Variants in KYAT1 observed in about 807,000 individuals in gnomAD.
KYAT1 encodes kynurenine--oxoglutarate transaminase 1.
Under a neutral mutation model 52.4 loss-of-function variants are expected in KYAT1, and 47 were observed. That is an observed-to-expected ratio of 0.90 (90% CI 0.71 to 1.14). The LOEUF (loss-of-function observed/expected upper bound fraction) is 1.14. KYAT1 is among the 50% of genes most tolerant of loss of function. The pLI is 0.00. For missense variants in KYAT1, 480 were observed against 557.9 expected (o/e 0.86, Z 1.41); for synonymous variants, 212 against 209.6 (o/e 1.01, Z -0.10).
At chr9:128,867,132 A>G (rs1319127578) in intron 1 of KYAT1, among the ~76,000 whole-genome samples, 1 of 152,154 alleles carries the variant, frequency 6.6e-6, no homozygotes, top group Non-Finnish European at 1.5e-5. Context: ...GGGCAATTTA[A>G]TAATAACACA....
chr9:128,862,869 G>T (rs1835650251), intron 1 of KYAT1, among the ~76,000 whole-genome samples: 2 of 152,100 alleles, frequency 1.3e-5, no homozygotes. Flanking sequence ...TTATCACCCA[G>T]GATGGAGTGC....
intron 7 of KYAT1, 37 bp from the exon 8 acceptor site, chr9:128,836,110 G>T: frequency 6.2e-7 from 1 of 1,602,536 alleles, no homozygotes; most frequent in Non-Finnish European, 8.5e-7. Context: ...CTGAGACTGG[G>T]GTGAGGGGGA....
intron 1 of KYAT1, among the ~76,000 whole-genome samples, chr9:128,865,334 TATATATA>T (rs1836132134): frequency 1.2e-3 from 3 of 2,458 alleles, no homozygotes; most frequent in Non-Finnish European, 3.2e-3. Context: ...TATATATATA[TATATATA>T]TATATATATA....
chr9:128,850,258 C>G (rs570761342), intron 1 of KYAT1, among the ~76,000 whole-genome samples: 1 of 151,992 alleles, frequency 6.6e-6, no homozygotes, highest in South Asian at 2.1e-4. Flanking sequence ...AAAGAGAGAT[C>G]AGACTGTTAC....
At chr9:128,866,323 G>GGT (rs1264361470) in intron 1 of KYAT1, among the ~76,000 whole-genome samples, 2 of 152,214 alleles carry the variant, frequency 1.3e-5, no homozygotes, top group East Asian at 3.8e-4. Context: ...ATAGTCGCTG[G>GGT]GTGTGGTGGC....
chr9:128,878,181 C>G (rs1232676808), intron 1 of KYAT1, among the ~76,000 whole-genome samples: 2 of 151,924 alleles, frequency 1.3e-5, no homozygotes, highest in African/African-American at 4.8e-5. Flanking sequence ...ATCGCCCAGG[C>G]TGGAGTGCAG....
At chr9:128,858,603 CT>C in intron 1 of KYAT1, among the ~76,000 whole-genome samples, 1 of 151,320 alleles carries the variant, frequency 6.6e-6, no homozygotes, top group East Asian at 2.0e-4. Context: ...AAGGCTGAGA[CT>C]GGAGAATCAC....
intron 1 of KYAT1, among the ~76,000 whole-genome samples, chr9:128,867,581 T>C (rs570668076): frequency 5.3e-5 from 8 of 152,320 alleles, no homozygotes; most frequent in Middle Eastern, 3.4e-3. Flanking sequence ...GGAGGCAATC[T>C]GATATCCATC....
At chr9:128,871,644 C>A (rs1360129246) in intron 1 of KYAT1, among the ~76,000 whole-genome samples, 5 of 151,182 alleles carry the variant, frequency 3.3e-5, no homozygotes, top group African/African-American at 4.9e-5. Context: ...CCCAGGCAGT[C>A]GAGGCAGCAG....
intron 1 of KYAT1, among the ~76,000 whole-genome samples, chr9:128,856,559 G>A (rs1223414801): frequency 6.6e-6 from 1 of 152,200 alleles, no homozygotes; most frequent in East Asian, 1.9e-4. Flanking sequence ...TTGCTGAGAT[G>A]TTGTTAATTT....
intron 1 of KYAT1, among the ~76,000 whole-genome samples, chr9:128,862,721 G>A (rs1041665097): frequency 1.3e-5 from 2 of 152,212 alleles, no homozygotes; most frequent in Admixed American, 6.5e-5. Flanking sequence ...CAGCCTTGGG[G>A]GTGGGGCTGG....
rs1395582383 is a variant in KYAT1, at chr9:128,833,572, G to A, written c.*12C>T. The A allele has an allele frequency of 4.3e-6, 7 of 1,613,536 alleles. No homozygotes were observed. In the African/African-American group the frequency reaches 5.3e-5, roughly 12 times the overall value. ...CATGTGGGGATGTCAGGGCCAAGGC[G>A]TGACTTCAGGGCTAGAGTTCCACCT... On this transcript the variant is annotated 3_prime_UTR_variant, in exon 13 of 13. Coordinates refer to ENST00000302586, the MANE Select transcript of KYAT1 (RefSeq NM_004059.5).
chr9:128,878,608 A>T (rs1034624549), intron 1 of KYAT1, among the ~76,000 whole-genome samples: 2 of 152,174 alleles, frequency 1.3e-5, no homozygotes, highest in African/African-American at 4.8e-5. Context: ...TCCTGGAGAG[A>T]ACAGCCTGTC....
intron 1 of KYAT1, among the ~76,000 whole-genome samples, chr9:128,866,120 A>G (rs1163910558): frequency 6.6e-6 from 1 of 152,212 alleles, no homozygotes; most frequent in Non-Finnish European, 1.5e-5. Context: ...CACCATGTAT[A>G]CAAGGGTGAT....
chr9:128,879,192 C>A (rs1411704672), intron 1 of KYAT1, among the ~76,000 whole-genome samples: 1 of 152,148 alleles, frequency 6.6e-6, no homozygotes, highest in Non-Finnish European at 1.5e-5. Context: ...TGCCTGTAGT[C>A]CCAGCTACTT....
chr9:128,837,155 A>G (rs1831279450), intron 6 of KYAT1, among the ~76,000 whole-genome samples: 1 of 152,172 alleles, frequency 6.6e-6, no homozygotes, highest in African/African-American at 2.4e-5. Flanking sequence ...TTAGCTGGGC[A>G]TGGTGGCGGG....
At chr9:128,840,702 T>C (rs997073613) in intron 3 of KYAT1, 9 of 427,238 alleles carry the variant, frequency 2.1e-5, no homozygotes, top group Non-Finnish European at 4.2e-5. Flanking sequence ...TGAGTAAACC[T>C]TACTGGAGGG....
intron 7 of KYAT1, 40 bp from the exon 8 acceptor site, chr9:128,836,113 G>A: frequency 3.1e-6 from 5 of 1,598,262 alleles, no homozygotes; most frequent in Non-Finnish European, 4.3e-6. Context: ...AGACTGGGGT[G>A]AGGGGGACGG....
chr9:128,837,579 C>T, intron 6 of KYAT1, 106 bp downstream of exon 6: 2 of 1,321,064 alleles, frequency 1.5e-6, no homozygotes, highest in Admixed American at 1.9e-5. Context: ...GTGTGGCCCT[C>T]CCACACACAA....
Sources: allele counts gnomAD v4.1 joint callset (sites outside exome capture counted in the v4.1 genomes callset), GRCh38; gene constraint gnomAD v4.1.1; transcripts MANE v1.5; gene names NCBI Gene and HGNC (gene_info 2026-07-23, HGNC 2026-07-21).